The following CSGALNACT1 variants were observed in gnomAD, a reference collection of about 807,000 sequenced individuals.
The protein encoded by CSGALNACT1 is chondroitin sulfate N-acetylgalactosaminyltransferase 1.
A neutral mutation model predicts 51.0 loss-of-function variants in CSGALNACT1; 52 were observed. The ratio of observed to expected loss-of-function variants is 1.02; its 90% confidence interval spans 0.82 to 1.29. The LOEUF (loss-of-function observed/expected upper bound fraction) is 1.29, where lower values mean the gene tolerates loss of function less well. Ranked by LOEUF, CSGALNACT1 falls within the 50% of genes most tolerant of loss-of-function variation. The pLI is 0.00. For missense variants in CSGALNACT1, 935 were observed against 679.2 expected (o/e 1.38, Z -4.19); for synonymous variants, 341 against 254.4 (o/e 1.34, Z -3.24).
chr8:19,505,860 C>A, exon 4 of CSGALNACT1: 2 of 1,604,772 alleles, frequency 1.2e-6, no homozygotes, highest in Non-Finnish European at 1.7e-6. Flanking sequence ...GCGTCCAGAA[C>A]CGGTGGCATC....
intron 1 of CSGALNACT1, among the ~76,000 whole-genome samples, chr8:19,720,614 G>C (rs1564469264): frequency 6.6e-6 from 1 of 152,180 alleles, no homozygotes; most frequent in Admixed American, 6.5e-5. Context: ...ACAGGGCTAA[G>C]GAGTGTGGCT....
At chr8:19,662,281 G>C (rs1364326853) in intron 1 of CSGALNACT1, among the ~76,000 whole-genome samples, 1 of 151,958 alleles carries the variant, frequency 6.6e-6, no homozygotes, top group Non-Finnish European at 1.5e-5. Flanking sequence ...TACTCAGGAG[G>C]CTGAGGCAGG....
chr8:19,695,540 A>G (rs908539882), intron 1 of CSGALNACT1, among the ~76,000 whole-genome samples: 3 of 152,230 alleles, frequency 2.0e-5, no homozygotes, highest in Non-Finnish European at 4.4e-5. Context: ...ACTCCAGGAA[A>G]ATAACCTAAG....
At chr8:19,482,898 T>C (rs2071837018) in intron 4 of CSGALNACT1, among the ~76,000 whole-genome samples, 1 of 152,170 alleles carries the variant, frequency 6.6e-6, no homozygotes, top group East Asian at 1.9e-4. Flanking sequence ...ACAACTAAGC[T>C]GATCATCTCT....
chr8:19,499,139 A>G (rs562643933), intron 4 of CSGALNACT1, among the ~76,000 whole-genome samples: 301 of 152,240 alleles, frequency 2.0e-3, no homozygotes, highest in Non-Finnish European at 3.7e-3. Flanking sequence ...AAACAAACAG[A>G]ACAAAATTAA....
intron 4 of CSGALNACT1, among the ~76,000 whole-genome samples, chr8:19,488,404 T>C (rs1184021677): frequency 1.8e-5 from 2 of 108,164 alleles, no homozygotes; most frequent in Admixed American, 9.0e-5. Flanking sequence ...TATATATATA[T>C]ATATATATAT....
intron 1 of CSGALNACT1, among the ~76,000 whole-genome samples, chr8:19,658,058 C>T (rs574243185): frequency 1.4e-3 from 89 of 63,786 alleles, no homozygotes; most frequent in African/African-American, 5.2e-3. Flanking sequence ...TCTCACCCTC[C>T]TTCCAAAAAA....
At chr8:19,623,676 G>A (rs1287786634) in intron 1 of CSGALNACT1, among the ~76,000 whole-genome samples, 1 of 152,156 alleles carries the variant, frequency 6.6e-6, no homozygotes, top group East Asian at 1.9e-4. Flanking sequence ...CAGAATAACA[G>A]AAAGATGACT....
At chr8:19,542,765 G>A (rs913730667) in intron 3 of CSGALNACT1, among the ~76,000 whole-genome samples, 6 of 151,824 alleles carry the variant, frequency 4.0e-5, no homozygotes, top group Non-Finnish European at 5.9e-5. Context: ...TAGCTGTCAC[G>A]CAAAACAAAA....
chr8:19,451,662 C>A (rs1429202008), intron 5 of CSGALNACT1, among the ~76,000 whole-genome samples: 2 of 152,186 alleles, frequency 1.3e-5, no homozygotes, highest in African/African-American at 4.8e-5. Context: ...CGCTTTGTGC[C>A]TTGTGACCAG....
At chr8:19,535,095 A>G (rs573380283) in intron 3 of CSGALNACT1, among the ~76,000 whole-genome samples, 7 of 152,220 alleles carry the variant, frequency 4.6e-5, no homozygotes, top group African/African-American at 1.2e-4. Context: ...GTGCTGAGAG[A>G]AAGAATGTGA....
chr8:19,526,914 G>A (rs79807003), intron 3 of CSGALNACT1, among the ~76,000 whole-genome samples: 26 of 152,118 alleles, frequency 1.7e-4, no homozygotes, highest in Non-Finnish European at 1.8e-4. Context: ...GACAACCTTC[G>A]GTTTAACAAA....
intron 1 of CSGALNACT1, among the ~76,000 whole-genome samples, chr8:19,631,168 T>G (rs1396546093): frequency 6.6e-6 from 1 of 152,202 alleles, no homozygotes; most frequent in Non-Finnish European, 1.5e-5. Context: ...AAGCATTTCA[T>G]GAGATTTTTG....
At chr8:19,634,473 G>T (rs1039024188) in intron 1 of CSGALNACT1, among the ~76,000 whole-genome samples, 2 of 152,086 alleles carry the variant, frequency 1.3e-5, no homozygotes, top group Non-Finnish European at 2.9e-5. Context: ...ACCAGCCTGG[G>T]AAACACAATG....
At chr8:19,690,785 C>G (rs2061265348) in intron 1 of CSGALNACT1, among the ~76,000 whole-genome samples, 1 of 152,122 alleles carries the variant, frequency 6.6e-6, no homozygotes, top group East Asian at 1.9e-4. Context: ...CTAGGTCTTC[C>G]TAAGGACTAC....
intron 1 of CSGALNACT1, chr8:19,641,999 T>C (rs969645351): frequency 5.9e-5 from 9 of 152,194 alleles, no homozygotes; most frequent in Non-Finnish European, 1.5e-5. Context: ...GGGAGATATT[T>C]GGGCAACGCC....
intron 1 of CSGALNACT1, among the ~76,000 whole-genome samples, chr8:19,682,253 A>G (rs1215951958): frequency 6.6e-6 from 1 of 152,166 alleles, no homozygotes; most frequent in Non-Finnish European, 1.5e-5. Flanking sequence ...GGGTCCAGCA[A>G]GTGTTAGGAG....
intron 1 of CSGALNACT1, among the ~76,000 whole-genome samples, chr8:19,701,001 G>C (rs1201332315): frequency 6.6e-6 from 1 of 152,092 alleles, no homozygotes; most frequent in African/African-American, 2.4e-5. Context: ...AGGAAGGAAT[G>C]TAAAGAGAGC....
intron 3 of CSGALNACT1, among the ~76,000 whole-genome samples, chr8:19,552,486 C>T (rs2088406951): frequency 6.6e-6 from 1 of 152,074 alleles, no homozygotes; most frequent in Non-Finnish European, 1.5e-5. Flanking sequence ...ACTCCGAGAC[C>T]AAGTTTCTTT....
Sources: allele counts gnomAD v4.1 joint callset (sites outside exome capture counted in the v4.1 genomes callset), GRCh38; gene constraint gnomAD v4.1.1; transcripts MANE v1.5; gene names NCBI Gene and HGNC (gene_info 2026-07-23, HGNC 2026-07-21).